TPD52L2: variants seen among roughly 807,000 people sequenced by gnomAD.
TPD52L2 encodes the protein tumor protein D54.
TPD52L2 carries 19 observed loss-of-function variants against 24.7 expected under a neutral mutation model. The observed-to-expected ratio is 0.77, with a 90% CI of 0.54 to 1.13. The LOEUF (loss-of-function observed/expected upper bound fraction) is 1.13, where lower values mean the gene tolerates loss of function less well. TPD52L2 is among the 50% of genes most tolerant of loss of function. The pLI is 0.00. For missense variants in TPD52L2, 236 were observed against 250.4 expected (o/e 0.94, Z 0.39); for synonymous variants, 104 against 100.2 (o/e 1.04, Z -0.23).
At position 63,882,832 on chromosome 20, in the gene TPD52L2, C is replaced by T; in HGVS notation, c.476+12C>T. 1.9e-6 allele frequency: 3 copies of T among 1,599,962 alleles called. No homozygotes were observed. Among genetic ancestry groups the T allele is most frequent in the Non-Finnish European group, 2.6e-6 (3 of 1,171,144 alleles). ...CTTGGAGACATGAGGTGAGACGCAA[C>T]CCTGACTCTGCTGCCCTGAGACCTG... On this transcript the variant is annotated intron_variant, in intron 5 of 6. Transcript: ENST00000346249.
rs1410119898 is a variant in TPD52L2 at position 63,865,322 on chromosome 20, G to C, written c.-44G>C. The C allele has an allele frequency of 6.6e-7, 1 of 1,505,964 alleles. No homozygotes were observed. Among genetic ancestry groups the C allele is most frequent in the Non-Finnish European group, 8.8e-7 (1 of 1,133,154 alleles). The allele number at this position is 1,505,964 out of a possible 1,614,324, so 93.3% of individuals were successfully genotyped here. ...GAGCTTCTCCCGGCGCCGCCCGCTCGGCTCCCATAGCGCCCGCGACAGCGG... is the reference window on the plus strand; with the variant it reads ...GAGCTTCTCCCGGCGCCGCCCGCTCCGCTCCCATAGCGCCCGCGACAGCGG... On this transcript the variant is annotated 5_prime_UTR_variant, in exon 1 of 7. Transcript: ENST00000346249.
At chr20:63,873,240 A>G (rs1012980353) in intron 2 of TPD52L2, among the ~76,000 whole-genome samples, 13 of 152,058 alleles carry the variant, frequency 8.5e-5, no homozygotes, top group Non-Finnish European at 1.9e-4. Flanking sequence ...CTGTAATCCC[A>G]GCACTTTGGG....
chr20:63,876,109 C>G (rs762758384), intron 4 of TPD52L2, among the ~76,000 whole-genome samples: 4 of 152,230 alleles, frequency 2.6e-5, no homozygotes, highest in African/African-American at 4.8e-5. Context: ...AAACTCCCCT[C>G]TGCCTGATAT....
chr20:63,881,014 C>T (rs1014293188), intron 4 of TPD52L2, among the ~76,000 whole-genome samples: 3 of 151,604 alleles, frequency 2.0e-5, no homozygotes, highest in Non-Finnish European at 2.9e-5. Flanking sequence ...TCCAGCTGCA[C>T]GGAGCCTGGA....
chr20:63,876,510 G>C, intron 4 of TPD52L2: 1 of 345,872 alleles, frequency 2.9e-6, no homozygotes, highest in South Asian at 2.2e-5. Context: ...CTAGATAATA[G>C]CACTTCATTT....
intron 4 of TPD52L2, 27 bp downstream of exon 4, chr20:63,875,902 C>G: frequency 6.2e-7 from 1 of 1,610,694 alleles, no homozygotes; most frequent in Non-Finnish European, 8.5e-7. Flanking sequence ...TCAGCACCTC[C>G]TCCTTCCTCC....
At chr20:63,869,073 C>G (rs1008423801) in intron 1 of TPD52L2, among the ~76,000 whole-genome samples, 1 of 152,226 alleles carries the variant, frequency 6.6e-6, no homozygotes, top group Non-Finnish European at 1.5e-5. Flanking sequence ...TTGTCGTGCC[C>G]TGAAGCAGCA....
chr20:63,887,910 C>A, intron 5 of TPD52L2: 1 of 481,922 alleles, frequency 2.1e-6, no homozygotes, highest in Non-Finnish European at 3.7e-6. Flanking sequence ...TCGAGGGGCT[C>A]GCACACAGAT....
rs562136868 is a variant in TPD52L2 at position 63,877,186 on chromosome 20, C to T, written c.374+1311C>T. On this transcript the variant is annotated intron_variant, in intron 4 of 6. Transcript: ENST00000346249. This position sits in a 1 kb window ranked among gnomAD's most constrained non-coding sequence, Gnocchi z 4.1. ...GACTACAGGCGCCCGCCACCACGCCCGGCTAATTTTTTCTATTTTTAGTAG... is the reference window on the plus strand; with the variant it reads ...GACTACAGGCGCCCGCCACCACGCCTGGCTAATTTTTTCTATTTTTAGTAG... The T allele has an allele frequency of 1.5e-4, 53 of 345,918 alleles. 1 individual carries two copies. The highest frequency in any genetic ancestry group is 1.2e-3 in the East Asian group (15 of 12,568). 21.4% of individuals were successfully genotyped at this position (345,918 alleles called of 1,614,324 possible).
rs1023679937 is a variant in TPD52L2 at position 63,877,584 on chromosome 20, G to A, written c.374+1709G>A. On this transcript the variant is annotated intron_variant, in intron 4 of 6. Coordinates refer to ENST00000346249, the MANE Select transcript of TPD52L2 (RefSeq NM_003288.4). This position sits in a 1 kb window ranked among gnomAD's most constrained non-coding sequence, Gnocchi z 4.1. ...CATCCTTGCAGTTTGGGCATCAGGC[G>A]GACGCACAGTGCAGACTCAGTCTGA... Among the ~76,000 whole-genome samples, 12 of 152,238 alleles carry A rather than the reference G, an allele frequency of 7.9e-5. No homozygotes were observed. Among genetic ancestry groups the A allele is most frequent in the Non-Finnish European group, 1.6e-4 (11 of 68,038 alleles).
chr20:63,888,951 T>G, intron 5 of TPD52L2: 1 of 585,058 alleles, frequency 1.7e-6, no homozygotes, highest in Non-Finnish European at 3.1e-6. Flanking sequence ...AGTCAAGGGG[T>G]TTCCAGTTGC....
intron 2 of TPD52L2, among the ~76,000 whole-genome samples, chr20:63,871,022 A>G (rs929271600): frequency 2.0e-5 from 3 of 149,810 alleles, no homozygotes; most frequent in Admixed American, 6.7e-5. Flanking sequence ...GGCCCCTACA[A>G]GGTGAAGTTC....
chr20:63,877,057 G>A lies in TPD52L2; in HGVS notation c.374+1182G>A, dbSNP rs886318352. The A allele has an allele frequency of 9.1e-6, 4 of 440,794 alleles. No homozygotes were observed. The highest frequency in any genetic ancestry group is 7.0e-5 in the East Asian group (1 of 14,316). The allele number at this position is 440,794 out of a possible 1,614,324, so 27.3% of individuals were successfully genotyped here. On this transcript the variant is annotated intron_variant, in intron 4 of 6. Transcript: ENST00000346249. The surrounding 1 kb of genome is among the most constrained non-coding windows in gnomAD (Gnocchi z 4.1). The stretch of plus-strand genomic sequence containing the variant: ...GGTTTTTTTTTTGAGACAACGTCTC[G>A]TTCTGTCTCCCAGGCTGGAGTGCAG...
At position 63,876,789 on chromosome 20, in the gene TPD52L2, G is replaced by A. The variant is rs886551592; in HGVS notation, c.374+914G>A. The stretch of plus-strand genomic sequence containing the variant: ...GTGGGAGGCTGGTGTCAGGAACCCC[G>A]GGCGGTTCTCGGCATGTTGCCCCGG... On this transcript the variant is annotated intron_variant, in intron 4 of 6. Transcript: ENST00000346249. 45 of 455,848 alleles carry A rather than the reference G, an allele frequency of 9.9e-5. 1 individual carries two copies. The highest frequency in any genetic ancestry group is 1.8e-4 in the Non-Finnish European group (41 of 226,764). 28.2% of individuals were successfully genotyped at this position (455,848 alleles called of 1,614,324 possible). A position where few individuals can be genotyped will look rare whatever the true frequency, so the allele number is the denominator to read the frequency against.
At chr20:63,881,087 C>T (rs961039072) in intron 4 of TPD52L2, among the ~76,000 whole-genome samples, 7 of 152,008 alleles carry the variant, frequency 4.6e-5, no homozygotes, top group East Asian at 3.9e-4. Context: ...GCGGGCTGGG[C>T]GCAGTGGCTC....
intron 4 of TPD52L2, among the ~76,000 whole-genome samples, chr20:63,878,147 A>G (rs1322495604): frequency 6.6e-6 from 1 of 152,256 alleles, no homozygotes; most frequent in Non-Finnish European, 1.5e-5. Flanking sequence ...GGAAGGCAGT[A>G]AAAGCTCCCT....
rs1191104282 is a variant in TPD52L2, at chr20:63,877,213, G to T, written c.374+1338G>T. 8.7e-6 allele frequency: 3 copies of T among 345,524 alleles called. No individual in the cohort carries two copies. The highest frequency in any genetic ancestry group is 6.6e-5 in the South Asian group (3 of 45,466). 21.4% of individuals were successfully genotyped at this position (345,524 alleles called of 1,614,324 possible). A position where few individuals can be genotyped will look rare whatever the true frequency, so the allele number is the denominator to read the frequency against. On this transcript the variant is annotated intron_variant, in intron 4 of 6. Transcript: ENST00000346249. The surrounding 1 kb of genome is among the most constrained non-coding windows in gnomAD (Gnocchi z 4.1). ...GCTAATTTTTTCTATTTTTAGTAGA[G>T]ACAGGATTTCACCATGTCAGCCAGG...
chr20:63,881,491 G>A (rs1449300806), intron 4 of TPD52L2, among the ~76,000 whole-genome samples: 1 of 152,252 alleles, frequency 6.6e-6, no homozygotes, highest in Non-Finnish European at 1.5e-5. Context: ...CTGTTTGGGG[G>A]CTGGAGAGTA....
intron 3 of TPD52L2, 61 bp from the exon 4 acceptor site, chr20:63,875,755 G>T: frequency 6.4e-7 from 1 of 1,569,298 alleles, no homozygotes. Flanking sequence ...TTCACCTGCA[G>T]TTTGATGCCT....
Sources: allele counts gnomAD v4.1 joint callset (sites outside exome capture counted in the v4.1 genomes callset), GRCh38; gene constraint gnomAD v4.1.1; non-coding constraint Gnocchi (gnomAD v3.1); transcripts MANE v1.5; gene names NCBI Gene and HGNC (gene_info 2026-07-23, HGNC 2026-07-21).